The following TBC1D5 variants were observed in gnomAD, a reference collection of about 807,000 sequenced individuals.
TBC1D5 encodes TBC1 domain family member 5.
In TBC1D5, 75 loss-of-function variants were observed where a neutral mutation model predicts 100.3. The observed-to-expected ratio is 0.75, with a 90% CI of 0.62 to 0.91. The LOEUF (loss-of-function observed/expected upper bound fraction) is 0.91, where lower values mean the gene tolerates loss of function less well. TBC1D5 is among the 40% of genes least tolerant of loss of function. TBC1D5 has a pLI of 0.00. For synonymous variants in TBC1D5, 323 were observed against 325.6 expected (o/e 0.99, Z 0.09); for missense variants, 910 against 942.4 (o/e 0.97, Z 0.45).
chr3:17,582,529 C>T (rs1017159046), intron 2 of TBC1D5, among the ~76,000 whole-genome samples: 1 of 151,800 alleles, frequency 6.6e-6, no homozygotes, highest in African/African-American at 2.4e-5. Flanking sequence ...AAAGAAATCT[C>T]CGAAAGACAT....
chr3:17,175,050 C>T (rs551841378), intron 19 of TBC1D5, among the ~76,000 whole-genome samples: 5 of 152,230 alleles, frequency 3.3e-5, no homozygotes, highest in South Asian at 4.1e-4. Flanking sequence ...TATGATTAAC[C>T]GGATCTTAGA....
intron 13 of TBC1D5, among the ~76,000 whole-genome samples, chr3:17,341,738 A>G (rs1190636893): frequency 6.6e-6 from 1 of 152,236 alleles, no homozygotes; most frequent in Admixed American, 6.5e-5. Flanking sequence ...GAATACATTA[A>G]TAGAACATTA....
intron 3 of TBC1D5, among the ~76,000 whole-genome samples, chr3:17,476,129 T>TA (rs1427798940): frequency 2.6e-5 from 4 of 152,006 alleles, no homozygotes; most frequent in Admixed American, 6.5e-5. Context: ...CATCTTTTCT[T>TA]AGACTGTGGT....
chr3:17,500,075 G>A (rs2095765929), intron 3 of TBC1D5, among the ~76,000 whole-genome samples: 1 of 149,408 alleles, frequency 6.7e-6, no homozygotes, highest in South Asian at 2.1e-4. Context: ...ATTGCTCCTA[G>A]GACACTGGTA....
chr3:17,730,843 G>A (rs1175398184), intron 1 of TBC1D5, among the ~76,000 whole-genome samples: 2 of 152,052 alleles, frequency 1.3e-5, no homozygotes, highest in East Asian at 3.8e-4. Context: ...GATGTTATAC[G>A]TGGCCCTGGC....
At chr3:17,479,856 GC>G (rs1686960242) in intron 3 of TBC1D5, among the ~76,000 whole-genome samples, 1 of 152,190 alleles carries the variant, frequency 6.6e-6, no homozygotes, top group Non-Finnish European at 1.5e-5. Flanking sequence ...ACCTGCGGGA[GC>G]GAGGGACAGG....
rs553824259 is a variant in TBC1D5 at position 17,161,634 on chromosome 3, C to A, written c.2095-378G>T. Among the ~76,000 whole-genome samples, 31 of 152,366 alleles carry A rather than the reference C, an allele frequency of 2.0e-4. No homozygotes were observed. In the East Asian group the frequency reaches 5.6e-3, roughly 27 times the overall value. On this transcript the variant is annotated intron_variant, in intron 21 of 21. Transcript: ENST00000253692. ...ATGTGGGACCCTGCCATGCAAATCA[C>A]CCATCCTCCTTGAACTTTAACTTTC...
At chr3:17,555,359 A>T (rs2096508956) in intron 2 of TBC1D5, among the ~76,000 whole-genome samples, 1 of 152,184 alleles carries the variant, frequency 6.6e-6, no homozygotes, top group African/African-American at 2.4e-5. Context: ...GATACATACG[A>T]CATGAATCAA....
chr3:17,509,795 C>T (rs947100528), intron 2 of TBC1D5, among the ~76,000 whole-genome samples: 1 of 151,962 alleles, frequency 6.6e-6, no homozygotes, highest in African/African-American at 2.4e-5. Flanking sequence ...TAATATCCAC[C>T]TCTGGTGTTA....
intron 15 of TBC1D5, among the ~76,000 whole-genome samples, chr3:17,279,867 A>G (rs2080390728): frequency 6.6e-6 from 1 of 152,230 alleles, no homozygotes; most frequent in African/African-American, 2.4e-5. Context: ...GATCCAATGC[A>G]TTACACTGAA....
chr3:17,597,035 A>AT (rs1409873532), intron 2 of TBC1D5, among the ~76,000 whole-genome samples: 1 of 152,186 alleles, frequency 6.6e-6, no homozygotes, highest in African/African-American at 2.4e-5. Flanking sequence ...AACAGAACTT[A>AT]TTTTTTAATT....
chr3:17,441,900 T>C (rs577291476), intron 3 of TBC1D5, among the ~76,000 whole-genome samples: 1 of 152,278 alleles, frequency 6.6e-6, no homozygotes, highest in South Asian at 2.1e-4. Flanking sequence ...AGGTTACTAG[T>C]AGGATTTCCA....
intron 3 of TBC1D5, among the ~76,000 whole-genome samples, chr3:17,480,883 T>G (rs890382975): frequency 2.0e-5 from 3 of 152,184 alleles, no homozygotes; most frequent in Non-Finnish European, 4.4e-5. Context: ...ACCTCATTCT[T>G]CCTGGATGCA....
intron 1 of TBC1D5, among the ~76,000 whole-genome samples, chr3:17,711,117 GTT>G (rs1236108617): frequency 6.6e-6 from 1 of 152,076 alleles, no homozygotes; most frequent in African/African-American, 2.4e-5. Flanking sequence ...TGATACTAGA[GTT>G]TGGCGCCTGA....
chr3:17,571,122 A>C (rs1019731716), intron 2 of TBC1D5, among the ~76,000 whole-genome samples: 1 of 151,918 alleles, frequency 6.6e-6, no homozygotes, highest in Non-Finnish European at 1.5e-5. Context: ...ACATAAAAAA[A>C]CAAAATCCTA....
At chr3:17,699,719 G>T (rs1560500137) in intron 1 of TBC1D5, among the ~76,000 whole-genome samples, 1 of 148,598 alleles carries the variant, frequency 6.7e-6, no homozygotes, top group Non-Finnish European at 1.5e-5. Context: ...AGTTTTAATT[G>T]TCCAATAATA....
At chr3:17,312,196 A>T (rs1196668391) in intron 13 of TBC1D5, among the ~76,000 whole-genome samples, 1 of 152,082 alleles carries the variant, frequency 6.6e-6, no homozygotes, top group East Asian at 1.9e-4. Context: ...TTAGGGTCAC[A>T]AGCCATTCTC....
chr3:17,335,419 T>G (rs1396986492), intron 13 of TBC1D5, among the ~76,000 whole-genome samples: 1 of 152,130 alleles, frequency 6.6e-6, no homozygotes, highest in Non-Finnish European at 1.5e-5. Context: ...TCTAGATCTT[T>G]CTGGTGGTCA....
intron 2 of TBC1D5, among the ~76,000 whole-genome samples, chr3:17,568,998 A>C (rs2153500405): frequency 6.6e-6 from 1 of 151,946 alleles, no homozygotes; most frequent in East Asian, 1.9e-4. Context: ...ATACACAGGT[A>C]TATGGGTTTA....
Sources: allele counts gnomAD v4.1 joint callset (sites outside exome capture counted in the v4.1 genomes callset), GRCh38; gene constraint gnomAD v4.1.1; transcripts MANE v1.5; gene names NCBI Gene and HGNC (gene_info 2026-07-23, HGNC 2026-07-21).